SUCLG2: variants seen among roughly 807,000 people sequenced by gnomAD.
The protein encoded by SUCLG2 is succinate--CoA ligase [GDP-forming] subunit beta, mitochondrial.
Under a neutral mutation model 47.9 loss-of-function variants are expected in SUCLG2, and 42 were observed. That is an observed-to-expected ratio of 0.88 (90% CI 0.69 to 1.14). SUCLG2 has a LOEUF of 1.14. Among genes scored for constraint, SUCLG2 ranks in the 50% most tolerant of loss-of-function variants. The pLI, the probability that SUCLG2 is intolerant of heterozygous loss-of-function variation, is 0.00. For synonymous variants in SUCLG2, 195 were observed against 197.3 expected (o/e 0.99, Z 0.10); for missense variants, 571 against 525.9 (o/e 1.09, Z -0.84).
intron 7 of SUCLG2, among the ~76,000 whole-genome samples, chr3:67,506,452 G>GTA (rs1352425511): frequency 6.6e-6 from 1 of 151,952 alleles, no homozygotes; most frequent in Non-Finnish European, 1.5e-5. Context: ...TTAATGAACT[G>GTA]TATATAATGT....
At chr3:67,504,769 T>G (rs755188135) in intron 7 of SUCLG2, among the ~76,000 whole-genome samples, 3 of 152,090 alleles carry the variant, frequency 2.0e-5, no homozygotes, top group Non-Finnish European at 4.4e-5. Flanking sequence ...TGTGTACAGA[T>G]AGAGCTGGCT....
At chr3:67,506,532 C>T (rs1017447007) in intron 7 of SUCLG2, among the ~76,000 whole-genome samples, 2 of 152,152 alleles carry the variant, frequency 1.3e-5, no homozygotes, top group Non-Finnish European at 2.9e-5. Flanking sequence ...AATCAAACTT[C>T]AGACTCATGA....
At chr3:67,514,997 T>C (rs1705902116) in intron 6 of SUCLG2, among the ~76,000 whole-genome samples, 2 of 152,142 alleles carry the variant, frequency 1.3e-5, no homozygotes, top group South Asian at 2.1e-4. Context: ...TCACGAAGTA[T>C]TGCCAGGAGG....
intron 9 of SUCLG2, among the ~76,000 whole-genome samples, chr3:67,401,467 TA>T (rs772178704): frequency 5.9e-5 from 9 of 151,520 alleles, no homozygotes; most frequent in Admixed American, 3.9e-4. Context: ...AGTAAGAATG[TA>T]AGGAAAGTCA....
At chr3:67,563,697 T>C (rs1033530151) in intron 2 of SUCLG2, among the ~76,000 whole-genome samples, 27 of 152,000 alleles carry the variant, frequency 1.8e-4, no homozygotes, top group Admixed American at 1.6e-3. Flanking sequence ...CGGTGGCTCA[T>C]GTCTGTAATC....
intron 2 of SUCLG2, among the ~76,000 whole-genome samples, chr3:67,563,590 C>T (rs190360694): frequency 6.6e-6 from 1 of 152,152 alleles, no homozygotes; most frequent in Non-Finnish European, 1.5e-5. Context: ...ACAATATGCT[C>T]CCTTTTAGGC....
intron 1 of SUCLG2, among the ~76,000 whole-genome samples, chr3:67,652,193 A>G (rs905267862): frequency 2.0e-5 from 3 of 152,042 alleles, no homozygotes; most frequent in African/African-American, 7.2e-5. Flanking sequence ...GACACTAAGC[A>G]TCAGGAATAT....
chr3:67,650,760 A>T (rs903592531), intron 1 of SUCLG2, among the ~76,000 whole-genome samples: 1 of 152,158 alleles, frequency 6.6e-6, no homozygotes, highest in African/African-American at 2.4e-5. Flanking sequence ...CTTTCAAAAA[A>T]AAAGTAAAAT....
chr3:67,508,454 G>A (rs1268491685), intron 7 of SUCLG2, among the ~76,000 whole-genome samples: 1 of 151,930 alleles, frequency 6.6e-6, no homozygotes, highest in Non-Finnish European at 1.5e-5. Flanking sequence ...TATTTTTGTA[G>A]AGACAGGGTC....
chr3:67,549,979 C>T (rs1706969964), intron 2 of SUCLG2, among the ~76,000 whole-genome samples: 1 of 152,118 alleles, frequency 6.6e-6, no homozygotes, highest in African/African-American at 2.4e-5. Flanking sequence ...GAGATGTGTA[C>T]ACAGACACCA....
intron 1 of SUCLG2, among the ~76,000 whole-genome samples, chr3:67,649,066 C>A (rs1484392577): frequency 2.0e-5 from 3 of 152,140 alleles, no homozygotes; most frequent in African/African-American, 7.2e-5. Flanking sequence ...CCTGGAAAGG[C>A]AGGGCTGGGT....
intron 1 of SUCLG2, among the ~76,000 whole-genome samples, chr3:67,640,469 G>C (rs1701082039): frequency 6.6e-6 from 1 of 152,182 alleles, no homozygotes; most frequent in African/African-American, 2.4e-5. Context: ...CCTGCATCTA[G>C]AACAGAGATG....
intron 9 of SUCLG2, among the ~76,000 whole-genome samples, chr3:67,432,123 A>G (rs966943815): frequency 3.3e-5 from 5 of 152,152 alleles, no homozygotes; most frequent in Non-Finnish European, 7.4e-5. Context: ...TAGATTTAAC[A>G]ATGGGAGGCT....
chr3:67,623,939 T>A (rs12632111), intron 1 of SUCLG2, among the ~76,000 whole-genome samples: 2 of 152,208 alleles, frequency 1.3e-5, no homozygotes, highest in African/African-American at 4.8e-5. Flanking sequence ...TGCATCAGAT[T>A]TGACTGTCTC....
intron 1 of SUCLG2, among the ~76,000 whole-genome samples, chr3:67,645,097 T>C (rs1454309280): frequency 1.3e-5 from 2 of 152,136 alleles, no homozygotes; most frequent in Non-Finnish European, 2.9e-5. Context: ...TTAAGCAAAA[T>C]GAAATACCAC....
chr3:67,635,090 G>A (rs911817642), intron 1 of SUCLG2, among the ~76,000 whole-genome samples: 15 of 152,140 alleles, frequency 9.9e-5, no homozygotes, highest in Admixed American at 6.5e-5. Flanking sequence ...TGATTTTTGC[G>A]ATATTCAACA....
At chr3:67,533,017 T>A (rs1360410190) in intron 2 of SUCLG2, among the ~76,000 whole-genome samples, 1 of 152,188 alleles carries the variant, frequency 6.6e-6, no homozygotes, top group African/African-American at 2.4e-5. Flanking sequence ...CTAAATAGAA[T>A]ACACATTTTT....
intron 2 of SUCLG2, among the ~76,000 whole-genome samples, chr3:67,560,468 C>T (rs558453970): frequency 6.6e-6 from 1 of 152,288 alleles, no homozygotes; most frequent in Non-Finnish European, 1.5e-5. Flanking sequence ...GATCTGGGTT[C>T]AAGCCCTGAG....
intron 2 of SUCLG2, among the ~76,000 whole-genome samples, chr3:67,543,982 A>G (rs1706792178): frequency 1.3e-5 from 2 of 152,168 alleles, no homozygotes; most frequent in South Asian, 4.1e-4. Context: ...ATACCTTATA[A>G]CATGACCTCC....
Sources: gnomAD v4.1 joint callset for allele counts (sites outside exome capture counted in the v4.1 genomes callset) on GRCh38, gnomAD v4.1.1 for gene constraint, MANE v1.5 for transcripts, NCBI Gene and HGNC (gene_info 2026-07-23, HGNC 2026-07-21) for gene names.